TRAK1: variants seen among roughly 807,000 people sequenced by gnomAD.
TRAK1 encodes the protein trafficking kinesin-binding protein 1.
A neutral mutation model predicts 92.1 loss-of-function variants in TRAK1; 33 were observed. The observed-to-expected ratio is 0.36, with a 90% CI of 0.27 to 0.48. The LOEUF (loss-of-function observed/expected upper bound fraction) is 0.48, where lower values mean the gene tolerates loss of function less well. Among genes scored for constraint, TRAK1 ranks in the 20% least tolerant of loss-of-function variants. The pLI, the probability that TRAK1 is intolerant of heterozygous loss-of-function variation, is 0.99. For synonymous variants in TRAK1, 521 were observed against 517.3 expected (o/e 1.01, Z -0.10); for missense variants, 1,123 against 1,257.9 (o/e 0.89, Z 1.62).
intron 1 of TRAK1, among the ~76,000 whole-genome samples, chr3:42,063,299 A>T (rs1037674711): frequency 6.6e-6 from 1 of 152,212 alleles, no homozygotes; most frequent in African/African-American, 2.4e-5. Flanking sequence ...GCCCTAAGCC[A>T]TTGCTGAAGG....
At chr3:42,124,510 G>A (rs79105738) in intron 1 of TRAK1, among the ~76,000 whole-genome samples, 2,409 of 152,288 alleles carry the variant, frequency 0.016, 75 homozygotes, top group African/African-American at 0.055. Context: ...TGTCATGTTT[G>A]CATTTTAAAG....
At position 42,223,811 on chromosome 3, in the gene TRAK1, C is replaced by T; in HGVS notation, c.*74C>T. On this transcript the variant is annotated 3_prime_UTR_variant, in exon 16 of 16. Coordinates refer to ENST00000327628, the MANE Select transcript of TRAK1 (RefSeq NM_001042646.3). The surrounding 1 kb of genome is among the most constrained non-coding windows in gnomAD (Gnocchi z 6.1). ...CTTGCTCCCACCTCCCTCTCTTCCC[C>T]CCACAGTGCACTCCCTCCCTCTGCC... 4.7e-6 allele frequency: 7 copies of T among 1,491,352 alleles called. No individual in the cohort carries two copies. Among genetic ancestry groups the T allele is most frequent in the Non-Finnish European group, 6.4e-6 (7 of 1,094,592 alleles). 92.4% of individuals were successfully genotyped at this position (1,491,352 alleles called of 1,614,324 possible).
intron 2 of TRAK1, among the ~76,000 whole-genome samples, chr3:42,150,261 C>T (rs1699812323): frequency 6.6e-6 from 1 of 152,088 alleles, no homozygotes; most frequent in African/African-American, 2.4e-5. Flanking sequence ...CCAAGGGAGA[C>T]TGGGTGGAGG....
At chr3:42,075,189 G>A (rs1704097950) in intron 1 of TRAK1, among the ~76,000 whole-genome samples, 2 of 151,646 alleles carry the variant, frequency 1.3e-5, no homozygotes, top group African/African-American at 4.8e-5. Flanking sequence ...TAAAGGATGA[G>A]GTCTGGCTGG....
At chr3:42,187,979 A>T in intron 4 of TRAK1, 66 bp from the exon 5 acceptor site, 1 of 1,340,178 alleles carries the variant, frequency 7.5e-7, no homozygotes, top group Non-Finnish European at 1.1e-6. Context: ...AAGTGTTGGA[A>T]TGTGAGTCGG....
At chr3:42,138,874 GGGGTGTGTGTGTGTGTGT>G (rs1455947762) in intron 2 of TRAK1, among the ~76,000 whole-genome samples, 6 of 51,050 alleles carry the variant, frequency 1.2e-4, no homozygotes, top group South Asian at 2.0e-3. Context: ...GAAAGCATAG[GGGGTGTGTGTGTGTGTGT>G]GTGTGTGTGT....
Position 42,202,674 on chromosome 3 carries a change from T to G in TRAK1, c.1666T>G (p.Phe556Val), listed in dbSNP as rs1446812885. Reference protein sequence around the residue: ...SLGTHSRFSEFTGFSGMSFSS... With the variant: ...SLGTHSRFSEVTGFSGMSFSS... Reference sequence around the variant, plus strand: ...GGGCACGCACTCCCGCTTCTCCGAGTTCACCGGCTTCTCTGGCATGTCCTT... The same window carrying G: ...GGGCACGCACTCCCGCTTCTCCGAGGTCACCGGCTTCTCTGGCATGTCCTT... The change falls in exon 13 of 16, where the codon TTC becomes GTC. Residue 556 changes from phenylalanine to valine, a missense_variant. Phe to Val is a conservative substitution (Grantham distance 50, BLOSUM62 -1). Transcript: ENST00000327628. This position sits in a 1 kb window ranked among gnomAD's most constrained non-coding sequence, Gnocchi z 6.1. 2 of 1,613,396 alleles carry G rather than the reference T, an allele frequency of 1.2e-6. No individual in the cohort carries two copies. Among genetic ancestry groups the G allele is most frequent in the African/African-American group, 2.7e-5 (2 of 74,914 alleles).
intron 13 of TRAK1, among the ~76,000 whole-genome samples, chr3:42,208,322 C>G (rs1015937593): frequency 2.0e-5 from 3 of 151,834 alleles, no homozygotes; most frequent in African/African-American, 7.3e-5. Flanking sequence ...CTTTTTTTTC[C>G]TTTTGAGTGG....
Position 42,075,470 on chromosome 3 carries a change from G to T in TRAK1, c.-518-11634G>T, listed in dbSNP as rs556612284. On this transcript the variant is annotated intron_variant, in intron 1 of 16. Transcript: ENST00000487159. ...AGATACATGTGCTTATGTGTTTATG[G>T]TAGAATGATTTCTATTCCTTTGGGT... Among the ~76,000 whole-genome samples, 16 of 152,162 alleles carry T rather than the reference G, an allele frequency of 1.1e-4. No homozygotes were observed. In the South Asian group the frequency reaches 3.3e-3, roughly 32 times the overall value.
rs147085273 is a variant in TRAK1 at position 42,041,904 on chromosome 3, C to G, written c.-519+27787C>G. On this transcript the variant is annotated intron_variant, in intron 1 of 16. Transcript: ENST00000487159. Reference sequence around the variant, plus strand: ...CCGCCTCCCGGGTTCAAGCGATTCTCCTGCCTTAGCCTCCTGAGTCTGGGA... The same window carrying G: ...CCGCCTCCCGGGTTCAAGCGATTCTGCTGCCTTAGCCTCCTGAGTCTGGGA... Among the ~76,000 whole-genome samples the G allele has an allele frequency of 8.4e-3, 1,274 of 152,100 alleles. 69 individuals carry two copies. The highest frequency in any genetic ancestry group is 0.075 in the Admixed American group (1,146 of 15,260).
At chr3:42,131,812 C>T (rs972884246) in intron 2 of TRAK1, among the ~76,000 whole-genome samples, 3 of 151,540 alleles carry the variant, frequency 2.0e-5, no homozygotes, top group African/African-American at 7.3e-5. Context: ...AATCCCATCA[C>T]TTTAGGAGGC....
intron 1 of TRAK1, among the ~76,000 whole-genome samples, chr3:42,068,109 A>G (rs1346936706): frequency 6.6e-6 from 1 of 151,072 alleles, no homozygotes; most frequent in Non-Finnish European, 1.5e-5. Flanking sequence ...CAGTGAGCCA[A>G]GATCATAATC....
intron 1 of TRAK1, among the ~76,000 whole-genome samples, chr3:42,060,810 T>C (rs1703403926): frequency 6.6e-6 from 1 of 152,004 alleles, no homozygotes; most frequent in African/African-American, 2.4e-5. Context: ...TTTATATTTT[T>C]AGTAGAAACG....
chr3:42,178,924 G>A (rs1440128222), intron 3 of TRAK1, among the ~76,000 whole-genome samples: 1 of 152,048 alleles, frequency 6.6e-6, no homozygotes, highest in Non-Finnish European at 1.5e-5. Context: ...GCCGTGCACC[G>A]AGATCATGTC....
chr3:42,156,289 T>C (rs1700526863), intron 2 of TRAK1, among the ~76,000 whole-genome samples: 1 of 152,186 alleles, frequency 6.6e-6, no homozygotes, highest in African/African-American at 2.4e-5. Flanking sequence ...CAGATGTGCA[T>C]GAGTTTTCAG....
upstream of TRAK1, among the ~76,000 whole-genome samples, chr3:42,082,251 G>A (rs1291293260): frequency 6.6e-6 from 1 of 152,116 alleles, no homozygotes; most frequent in African/African-American, 2.4e-5. Context: ...CATTTTATAG[G>A]TAGTGAAAGC....
At chr3:42,054,503 A>G (rs555814909) in intron 1 of TRAK1, among the ~76,000 whole-genome samples, 27 of 152,328 alleles carry the variant, frequency 1.8e-4, no homozygotes, top group Admixed American at 1.7e-3. Context: ...TCACCTCACC[A>G]GCAAATCAGT....
intron 2 of TRAK1, among the ~76,000 whole-genome samples, chr3:42,157,787 G>A (rs1369068011): frequency 1.3e-5 from 2 of 152,178 alleles, no homozygotes; most frequent in Non-Finnish European, 2.9e-5. Context: ...TGCCATAAAG[G>A]ATGTTATTGG....
chr3:42,192,474 T>TAAGTATTTTGCATTTCGTCAGAGTACC (rs1705947543), intron 7 of TRAK1, among the ~76,000 whole-genome samples: 1 of 131,810 alleles, frequency 7.6e-6, no homozygotes, highest in African/African-American at 3.4e-5. Flanking sequence ...GTCAAAGTAC[T>TAAGTATTTTGCATTTCGTCAGAGTACC]AAGTATTTTG....
Sources: allele counts gnomAD v4.1 joint callset (sites outside exome capture counted in the v4.1 genomes callset), GRCh38; gene constraint gnomAD v4.1.1; non-coding constraint Gnocchi (gnomAD v3.1); transcripts MANE v1.5; gene names NCBI Gene and HGNC (gene_info 2026-07-23, HGNC 2026-07-21).